The following TNIP1 variants were observed in gnomAD, a reference collection of about 807,000 sequenced individuals.
TNIP1 encodes TNFAIP3 interacting protein 1, also known as TNFAIP3-interacting protein 1.
In TNIP1, 22 loss-of-function variants were observed where a neutral mutation model predicts 86.6. That is an observed-to-expected ratio of 0.25 (90% confidence interval 0.18 to 0.36). The LOEUF (loss-of-function observed/expected upper bound fraction) is 0.36. Ranked by LOEUF, TNIP1 falls within the 10% of genes least tolerant of loss-of-function variation. The pLI, the probability that TNIP1 is intolerant of heterozygous loss-of-function variation, is 1.00. For synonymous variants in TNIP1, 294 were observed against 313.0 expected (o/e 0.94, Z 0.64); for missense variants, 709 against 820.6 (o/e 0.86, Z 1.66).
At chr5:151,078,566 G>A (rs1274342353) in intron 1 of TNIP1, 1 of 152,196 alleles carries the variant, frequency 6.6e-6, no homozygotes, top group East Asian at 1.9e-4. Flanking sequence ...ATACACGTAT[G>A]AGAAAAATAA....
intron 5 of TNIP1, 100 bp from the exon 6 acceptor site, chr5:151,057,057 T>TC (rs1434491996): frequency 5.0e-6 from 6 of 1,195,602 alleles, no homozygotes; most frequent in East Asian, 3.1e-5. Flanking sequence ...TGACTCAGTT[T>TC]CCCCCTGTGA....
chr5:151,039,166 C>G lies in TNIP1; in HGVS notation c.1194G>C (p.Leu398=). 6.8e-6 allele frequency: 11 copies of G among 1,614,012 alleles called. No homozygotes were observed. Among genetic ancestry groups the G allele is most frequent in the Non-Finnish European group, 9.3e-6 (11 of 1,179,986 alleles). The change falls in exon 12 of 18, where the codon CTG becomes CTC. Residue 398 remains leucine (L), a synonymous_variant. Coordinates refer to ENST00000521591, the MANE Select transcript of TNIP1 (RefSeq NM_006058.5). ...AKELRQKVKY[L]QDQLSPLTRQ... ...GGGTGAGTGGGCTCAGCTGATCCTG[C>G]AGGTACTTGACCTTTTGGCGCAGCT...
At position 151,036,645 on chromosome 5, in the gene TNIP1, C is replaced by G; in HGVS notation, c.1395+145G>C. Reference sequence around the variant, plus strand: ...GGTTATGGTGCTGGAAAGGATAAACCTAGAGCCAGTGGGGGGCCCTGGCCA... The same window carrying G: ...GGTTATGGTGCTGGAAAGGATAAACGTAGAGCCAGTGGGGGGCCCTGGCCA... On this transcript the variant is annotated intron_variant, in intron 13 of 17. Coordinates refer to ENST00000521591, the MANE Select transcript of TNIP1 (RefSeq NM_006058.5). 2 of 1,239,238 alleles carry G rather than the reference C, an allele frequency of 1.6e-6. 1 individual carries two copies. Among genetic ancestry groups the G allele is most frequent in the South Asian group, 2.9e-5 (2 of 67,988 alleles). 76.8% of individuals were successfully genotyped at this position (1,239,238 alleles called of 1,614,324 possible).
At chr5:151,059,824 AGAGAGTGTGTGT>A (rs1347881284) in intron 5 of TNIP1, among the ~76,000 whole-genome samples, 21 of 79,410 alleles carry the variant, frequency 2.6e-4, no homozygotes, top group South Asian at 4.1e-4. Flanking sequence ...AGAGAGAGAG[AGAGAGTGTGTGT>A]GTGTGTGTGT....
At position 151,063,673 on chromosome 5, in the gene TNIP1, C is replaced by T. The variant is rs1172531011; in HGVS notation, c.211G>A (p.Glu71Lys). 4 of 1,614,080 alleles carry T rather than the reference C, an allele frequency of 2.5e-6. No individual in the cohort carries two copies. The highest frequency in any genetic ancestry group is 3.3e-5 in the Admixed American group (2 of 60,010). ...GAGGGAGAAGGTGGTGGGAGCAGCT[C>T]GTTGTCCTTCACTAGCTCCTCTGCC... The part of the protein sequence containing the change: ...QKAEELVKDN[E>K]LLPPPSPSLG... Residue 71 changes from glutamate (E) to lysine (K), a missense_variant, in exon 3 of 18, where the codon GAG becomes AAG. Physicochemically the swap from Glu to Lys is moderately conservative, Grantham distance 56. Coordinates refer to ENST00000521591, the MANE Select transcript of TNIP1 (RefSeq NM_006058.5).
intron 1 of TNIP1, among the ~76,000 whole-genome samples, chr5:151,076,808 AG>A (rs1763448174): frequency 6.6e-6 from 1 of 152,174 alleles, no homozygotes; most frequent in African/African-American, 2.4e-5. Flanking sequence ...CCCTGATCCC[AG>A]GGGTCGGGGT....
At chr5:151,082,733 T>TA (rs1049619144), upstream of TNIP1, among the ~76,000 whole-genome samples, 9 of 152,212 alleles carry the variant, frequency 5.9e-5, no homozygotes, top group African/African-American at 1.4e-4. Flanking sequence ...AAGCTTGACA[T>TA]AAAAAAATGG....
intron 17 of TNIP1, chr5:151,031,980 T>A (rs776365220): frequency 3.4e-5 from 9 of 267,670 alleles, no homozygotes; most frequent in Non-Finnish European, 5.6e-5. Context: ...GGTGTTTGTT[T>A]ATTCATTTCT....
At chr5:151,084,315 G>A (rs988206929), upstream of TNIP1, among the ~76,000 whole-genome samples, 6 of 152,044 alleles carry the variant, frequency 3.9e-5, no homozygotes, top group Non-Finnish European at 8.8e-5. Context: ...TGTGGTGGTG[G>A]GCGCCTGTAA....
At chr5:151,061,290 C>G (rs1761533341) in intron 4 of TNIP1, among the ~76,000 whole-genome samples, 1 of 152,112 alleles carries the variant, frequency 6.6e-6, no homozygotes, top group Admixed American at 6.5e-5. Flanking sequence ...CCCTCATGGC[C>G]ACCAAGAACT....
At chr5:151,078,793 C>T (rs1483048281) in intron 1 of TNIP1, among the ~76,000 whole-genome samples, 1 of 152,154 alleles carries the variant, frequency 6.6e-6, no homozygotes, top group Non-Finnish European at 1.5e-5. Context: ...AAAAGCAGGC[C>T]AGCATGGTGT....
At chr5:151,050,924 G>T (rs558549945) in intron 7 of TNIP1, among the ~76,000 whole-genome samples, 2 of 152,028 alleles carry the variant, frequency 1.3e-5, no homozygotes, top group Non-Finnish European at 2.9e-5. Flanking sequence ...CAATCCTCCC[G>T]CCTTAACGTC....
chr5:151,032,468 G>T, intron 16 of TNIP1, 85 bp from the exon 17 acceptor site: 1 of 1,302,192 alleles, frequency 7.7e-7, no homozygotes, highest in Non-Finnish European at 1.1e-6. Flanking sequence ...TACTAAATCT[G>T]TATTAGTCAA....
chr5:151,052,622 C>G (rs1760096009), intron 6 of TNIP1, among the ~76,000 whole-genome samples: 1 of 152,224 alleles, frequency 6.6e-6, no homozygotes, highest in Admixed American at 6.5e-5. Context: ...TAAATCCCAT[C>G]TCCTCAGAGA....
chr5:151,074,864 C>T (rs566272036), intron 1 of TNIP1, among the ~76,000 whole-genome samples: 1 of 152,306 alleles, frequency 6.6e-6, no homozygotes, highest in African/African-American at 2.4e-5. Context: ...CTGCAACTTC[C>T]ACCTCCCAGC....
At chr5:151,046,132 A>G (rs1759134835) in intron 8 of TNIP1, 182 bp from the exon 9 acceptor site, 5 of 589,054 alleles carry the variant, frequency 8.5e-6, no homozygotes, top group South Asian at 7.8e-5. Flanking sequence ...AGAAGTCTAC[A>G]AGATGATGAT....
At chr5:151,064,089 C>T (rs35898062) in intron 2 of TNIP1, among the ~76,000 whole-genome samples, 5,262 of 152,308 alleles carry the variant, frequency 0.035, 104 homozygotes, top group South Asian at 0.058. Flanking sequence ...GCTCCCCCAC[C>T]CTACGGGCTA....
rs146612032 is a variant in TNIP1 at position 151,063,950 on chromosome 5, G to A, written c.137-203C>T. ...GAAACAGGCTAGAGCAAGGACGAGG[G>A]CCCAGCAATCGGGGGACACAGGAGC... On this transcript the variant is annotated intron_variant, in intron 2 of 17. Transcript: ENST00000521591. Among the ~76,000 whole-genome samples, 207 of 152,282 alleles carry A rather than the reference G, an allele frequency of 1.4e-3. 1 individual carries two copies. The highest frequency in any genetic ancestry group is 2.4e-3 in the Non-Finnish European group (162 of 68,022).
At chr5:151,055,964 G>A (rs62382336) in intron 6 of TNIP1, among the ~76,000 whole-genome samples, 5,599 of 152,314 alleles carry the variant, frequency 0.037, 137 homozygotes, top group Non-Finnish European at 0.055. Context: ...GCCCAGTGTG[G>A]ATGCCCGTCA....
Sources: gnomAD v4.1 joint callset for allele counts (sites outside exome capture counted in the v4.1 genomes callset) on GRCh38, gnomAD v4.1.1 for gene constraint, MANE v1.5 for transcripts, NCBI Gene and HGNC (gene_info 2026-07-23, HGNC 2026-07-21) for gene names.